HAO1: variants seen among roughly 807,000 people sequenced by gnomAD.
The protein encoded by HAO1 is 2-Hydroxyacid oxidase 1.
In HAO1, 34 loss-of-function variants were observed where a neutral mutation model predicts 39.7. The observed-to-expected ratio is 0.86, with a 90% confidence interval of 0.65 to 1.14. The LOEUF is 1.14. Among genes scored for constraint, HAO1 ranks in the 50% most tolerant of loss-of-function variants. The pLI is 0.00. For synonymous variants in HAO1, 172 were observed against 173.2 expected, an observed-to-expected ratio of 0.99 and a Z score of 0.05; for missense variants, 479 against 464.5, an observed-to-expected ratio of 1.03 and a Z score of -0.29.
At chr20:7,938,732 G>T (rs2050425668) in intron 1 of HAO1, among the ~76,000 whole-genome samples, 1 of 152,114 alleles carries the variant, frequency 6.6e-6, no homozygotes, top group East Asian at 1.9e-4. Context: ...GCATTATGGA[G>T]GCTGATATGC....
intron 5 of HAO1, among the ~76,000 whole-genome samples, chr20:7,891,578 G>C (rs2050174385): frequency 6.6e-6 from 1 of 151,964 alleles, no homozygotes; most frequent in Non-Finnish European, 1.5e-5. Context: ...TGTTTCTATT[G>C]CATTTGCTTT....
chr20:7,916,005 T>C (rs2050305398), intron 2 of HAO1, among the ~76,000 whole-genome samples: 1 of 152,170 alleles, frequency 6.6e-6, no homozygotes, highest in Admixed American at 6.5e-5. Context: ...GTGTGCTAGA[T>C]ATCCCAAGTA....
chr20:7,924,088 C>T (rs942440603), intron 2 of HAO1, among the ~76,000 whole-genome samples: 3 of 152,062 alleles, frequency 2.0e-5, no homozygotes, highest in Non-Finnish European at 4.4e-5. Flanking sequence ...TTTATGTATT[C>T]TTCTCTTATT....
At chr20:7,931,895 C>G (rs2050387480) in intron 2 of HAO1, among the ~76,000 whole-genome samples, 1 of 152,086 alleles carries the variant, frequency 6.6e-6, no homozygotes, top group South Asian at 2.1e-4. Context: ...TAGCTACTTG[C>G]CCACAAAACA....
intron 2 of HAO1, among the ~76,000 whole-genome samples, chr20:7,929,908 T>C (rs1203097102): frequency 6.6e-5 from 10 of 151,894 alleles, no homozygotes; most frequent in Admixed American, 6.6e-4. Context: ...GTTAATAAGG[T>C]GGATTATTAT....
At chr20:7,908,323 C>CA (rs147201462) in intron 3 of HAO1, among the ~76,000 whole-genome samples, 5,049 of 150,996 alleles carry the variant, frequency 0.033, 237 homozygotes, top group African/African-American at 0.11. Flanking sequence ...ACCCGGGAGG[C>CA]GAGGTTGCAG....
rs2050247065 is a variant in HAO1 at position 7,906,210 on chromosome 20, A to G, written c.665T>C (p.Ile222Thr). ...TGATGTCAGTCTTCTCAGCCATTTG[A>G]TATCTTCCCAGCTGATAGATGGGTC... is the stretch of plus-strand genomic sequence containing the variant. ...AIDPSISWED[I>T]KWLRRLTSLP... Residue 222 changes from isoleucine (I) to threonine (T), a missense_variant, in exon 4 of 8, where the codon ATC (isoleucine) becomes ACC (threonine). Transcript: ENST00000378789. 6.2e-7 allele frequency: 1 copy of G among 1,612,994 alleles called. No individual in the cohort carries two copies. Among genetic ancestry groups the G allele is most frequent in the Non-Finnish European group, 8.5e-7 (1 of 1,179,116 alleles).
chr20:7,885,715 T>C lies in HAO1; in HGVS notation c.963A>G (p.Leu321=). 6.2e-7 allele frequency: 1 copy of C among 1,612,722 alleles called. No individual in the cohort carries two copies. Among genetic ancestry groups the C allele is most frequent in the Non-Finnish European group, 8.5e-7 (1 of 1,179,076 alleles). Reference sequence around the variant, plus strand: ...TTCTTTGTCCAGTTACCTGGAAAGCTAAGCCCCAAACGATTGGTCTCCCCA... The same window carrying C: ...TTCTTTGTCCAGTTACCTGGAAAGCCAAGCCCCAAACGATTGGTCTCCCCA... The part of the protein sequence containing the change: ...VFVGRPIVWG[L]AFQGEKGVQD... Residue 321 remains leucine, a synonymous_variant, in exon 6 of 8, where the codon TTA becomes TTG. Transcript: ENST00000378789.
At chr20:7,884,282 A>G (rs568196310) in intron 7 of HAO1, among the ~76,000 whole-genome samples, 12 of 152,338 alleles carry the variant, frequency 7.9e-5, no homozygotes, top group South Asian at 4.1e-4. Context: ...AAATACTGCA[A>G]TCAAGACAAC....
chr20:7,906,080 C>T (rs2050246217), intron 4 of HAO1, 74 bp downstream of exon 4: 2 of 1,018,036 alleles, frequency 2.0e-6, no homozygotes, highest in East Asian at 2.4e-5. Context: ...TGTTATTTTC[C>T]TTTAAGAATA....
At chr20:7,915,549 C>T (rs78621312) in intron 2 of HAO1, among the ~76,000 whole-genome samples, 4,723 of 152,162 alleles carry the variant, frequency 0.031, 207 homozygotes, top group African/African-American at 0.1. Context: ...TGAGCCAATT[C>T]CTAAAAATGT....
At chr20:7,910,249 G>T (rs914631285) in intron 3 of HAO1, among the ~76,000 whole-genome samples, 3 of 152,178 alleles carry the variant, frequency 2.0e-5, no homozygotes, top group Non-Finnish European at 4.4e-5. Context: ...AAGTAGAGCA[G>T]ATTAAGAGAG....
At chr20:7,891,202 A>G (rs1029486397) in intron 5 of HAO1, among the ~76,000 whole-genome samples, 2 of 152,134 alleles carry the variant, frequency 1.3e-5, no homozygotes, top group South Asian at 4.1e-4. Context: ...CATCCACACC[A>G]TCTACTGTTT....
intron 5 of HAO1, among the ~76,000 whole-genome samples, chr20:7,887,229 A>G: frequency 6.6e-6 from 1 of 152,322 alleles, no homozygotes; most frequent in South Asian, 2.1e-4. Context: ...TGTAGAAATC[A>G]CCCACATTCA....
At chr20:7,917,339 CAAAAAAAAAA>C (rs55848354) in intron 2 of HAO1, among the ~76,000 whole-genome samples, 1 of 62,412 alleles carries the variant, frequency 1.6e-5, no homozygotes, top group African/African-American at 5.8e-5. Flanking sequence ...GACTCCCTGT[CAAAAAAAAAA>C]AAAAAAAAAA....
intron 1 of HAO1, among the ~76,000 whole-genome samples, chr20:7,935,933 A>G (rs1482580669): frequency 6.6e-6 from 1 of 152,156 alleles, no homozygotes; most frequent in Non-Finnish European, 1.5e-5. Flanking sequence ...CCTAGATGTA[A>G]CTCTACTTCC....
chr20:7,923,907 A>G (rs2050346629), intron 2 of HAO1, among the ~76,000 whole-genome samples: 1 of 152,120 alleles, frequency 6.6e-6, no homozygotes, highest in Admixed American at 6.6e-5. Flanking sequence ...TGATGTCCTG[A>G]GCAAAGTTGG....
chr20:7,939,861 G>A (rs1247304116), intron 1 of HAO1, among the ~76,000 whole-genome samples: 3 of 152,180 alleles, frequency 2.0e-5, no homozygotes, highest in African/African-American at 7.2e-5. Context: ...AACACGAAAA[G>A]CCAGCAGGAA....
intron 2 of HAO1, among the ~76,000 whole-genome samples, chr20:7,916,048 T>A (rs868606380): frequency 6.6e-6 from 1 of 152,062 alleles, no homozygotes; most frequent in Non-Finnish European, 1.5e-5. Context: ...AGCAGTTACA[T>A]TTTGGGGGGA....
Sources: allele counts gnomAD v4.1 joint callset (sites outside exome capture counted in the v4.1 genomes callset), GRCh38; gene constraint gnomAD v4.1.1; transcripts MANE v1.5; gene names NCBI Gene and HGNC (gene_info 2026-07-23, HGNC 2026-07-21).